Variants in ENOX2 observed in about 807,000 individuals in gnomAD.
ENOX2 encodes ecto-NOX disulfide-thiol exchanger 2.
Under a neutral mutation model 45.0 loss-of-function variants are expected in ENOX2, and 36 were observed. The ratio of observed to expected loss-of-function variants is 0.80; its 90% CI spans 0.61 to 1.06. The LOEUF is 1.06. Among genes scored for constraint, ENOX2 ranks in the 50% least tolerant of loss-of-function variants. The probability of loss-of-function intolerance (pLI) is 0.00; values close to 1 mark genes in which losing one functional copy is unlikely to be tolerated. For missense variants in ENOX2, 423 were observed against 462.5 expected (o/e 0.91, Z 0.78); for synonymous variants, 174 against 152.3 (o/e 1.14, Z -1.05).
intron 12 of ENOX2, among the ~76,000 whole-genome samples, chrX:130,633,851 G>A (rs986987718): frequency 8.9e-6 from 1 of 112,411 alleles, no homozygotes; most frequent in Non-Finnish European, 1.9e-5. Flanking sequence ...GGAAAGTCCT[G>A]ATAAGTAAAG....
chrX:130,755,689 TGG>T (rs756362748), intron 3 of ENOX2, among the ~76,000 whole-genome samples: 1 of 111,159 alleles, frequency 9.0e-6, no homozygotes, highest in Non-Finnish European at 1.9e-5. Flanking sequence ...TCATGAAAAA[TGG>T]GGTATCCATC....
intron 3 of ENOX2, among the ~76,000 whole-genome samples, chrX:130,742,929 C>T (rs1283703200): frequency 3.6e-5 from 4 of 112,198 alleles, no homozygotes; most frequent in Admixed American, 9.5e-5. Context: ...AAGAATCAAA[C>T]CACATGGATT....
rs183257599 is a variant in ENOX2, at chrX:130,812,348, A to G, written c.-182-28658T>C. Among the ~76,000 whole-genome samples the G allele has an allele frequency of 4.0e-3, 449 of 112,132 alleles. 2 individuals are homozygous for G. The highest frequency in any genetic ancestry group is 0.014 in the African/African-American group (433 of 30,890). On this transcript the variant is annotated intron_variant, in intron 2 of 14. Transcript: ENST00000394363. ...GGCAAATCACATATAAGGGAAATTCAGTAAGGCTAGCAGTGGATTTCTCAG... is the reference window on the plus strand; with the variant it reads ...GGCAAATCACATATAAGGGAAATTCGGTAAGGCTAGCAGTGGATTTCTCAG...
chrX:130,815,646 T>C (rs972594540), intron 2 of ENOX2, among the ~76,000 whole-genome samples: 7 of 111,790 alleles, frequency 6.3e-5, no homozygotes, highest in Admixed American at 4.7e-4. Context: ...CCATCGAAAC[T>C]AAGCTTCATA....
intron 3 of ENOX2, among the ~76,000 whole-genome samples, chrX:130,770,749 T>A (rs2039720770): frequency 8.9e-6 from 1 of 111,993 alleles, no homozygotes; most frequent in African/African-American, 3.3e-5. Context: ...ATTAATGATA[T>A]CATGCACTGG....
At chrX:130,638,180 C>T (rs1282971851) in intron 10 of ENOX2, among the ~76,000 whole-genome samples, 2 of 108,317 alleles carry the variant, frequency 1.8e-5, no homozygotes, top group Admixed American at 9.8e-5. Flanking sequence ...GCAATTCTCC[C>T]GCCTCAGCCT....
intron 3 of ENOX2, among the ~76,000 whole-genome samples, chrX:130,737,473 C>T (rs2038888563): frequency 8.9e-6 from 1 of 112,746 alleles, no homozygotes; most frequent in Admixed American, 9.3e-5. Flanking sequence ...CACACACACA[C>T]ACACACAACT....
At chrX:130,782,860 A>C (rs1018218237) in intron 3 of ENOX2, among the ~76,000 whole-genome samples, 4 of 111,002 alleles carry the variant, frequency 3.6e-5, no homozygotes, top group African/African-American at 6.5e-5. Context: ...AAAAAGAAAC[A>C]TTAAGATGAG....
At chrX:130,820,578 A>T (rs778668547) in intron 2 of ENOX2, among the ~76,000 whole-genome samples, 2 of 112,726 alleles carry the variant, frequency 1.8e-5, no homozygotes, top group East Asian at 5.5e-4. Flanking sequence ...CCATCAACAG[A>T]TGAATAAAGA....
chrX:130,729,103 C>T (rs776537202), intron 3 of ENOX2, among the ~76,000 whole-genome samples: 5 of 111,290 alleles, frequency 4.5e-5, no homozygotes, highest in Non-Finnish European at 9.4e-5. Context: ...AAATGACTAC[C>T]ATCTTTAATA....
chrX:130,870,600 T>C (rs143753911), intron 2 of ENOX2, among the ~76,000 whole-genome samples: 2,051 of 111,490 alleles, frequency 0.018, 23 homozygotes, highest in South Asian at 0.038. Flanking sequence ...TTGTCGACAC[T>C]GTATTCTACC....
At chrX:130,642,546 T>G (rs1375145564) in intron 10 of ENOX2, among the ~76,000 whole-genome samples, 1 of 112,639 alleles carries the variant, frequency 8.9e-6, no homozygotes, top group Non-Finnish European at 1.9e-5. Flanking sequence ...AAAGTTCTAC[T>G]GTGGGTAAAA....
intron 2 of ENOX2, among the ~76,000 whole-genome samples, chrX:130,868,982 A>G (rs1265896473): frequency 8.9e-6 from 1 of 111,949 alleles, no homozygotes; most frequent in Non-Finnish European, 1.9e-5. Context: ...ACAATAGGGT[A>G]TTGCAGAGCC....
chrX:130,622,900 G>A lies in ENOX2; in HGVS notation c.*2414C>T, dbSNP rs1289230197. ...AAGTTAGAGATTTGTAGGGCAGGCC[G>A]GCAGGCTGGAAGTTCTGGCAGGAGT... On this transcript the variant is annotated 3_prime_UTR_variant, in exon 15 of 15. Transcript: ENST00000394363. 9.0e-6 allele frequency among the ~76,000 whole-genome samples: 1 copy of A among 111,329 alleles called. No homozygotes were observed. Among genetic ancestry groups the A allele is most frequent in the Non-Finnish European group, 1.9e-5 (1 of 53,098 alleles).
intron 7 of ENOX2, 80 bp from the exon 8 acceptor site, chrX:130,667,822 TC>T: frequency 1.3e-6 from 1 of 789,030 alleles, no homozygotes; most frequent in Non-Finnish European, 1.8e-6. Context: ...AAAGAGGGCA[TC>T]ATGATTTTTG....
In ENOX2 at chrX:130,634,400, C is replaced by T. The variant is rs918355608; in HGVS notation, c.1419+584G>A. Among the ~76,000 whole-genome samples, 23 of 111,602 alleles carry T rather than the reference C, an allele frequency of 2.1e-4. No individual in the cohort carries two copies. The Admixed American group carries it at 2.2e-3, about 11-fold the overall frequency. Reference sequence around the variant, plus strand: ...TATCCAGATATTAGACTCTCTGGTCCTCATTGGTGGTTCTTATTGCTGAGA... The same window carrying T: ...TATCCAGATATTAGACTCTCTGGTCTTCATTGGTGGTTCTTATTGCTGAGA... On this transcript the variant is annotated intron_variant, in intron 12 of 14. Transcript: ENST00000394363.
intron 2 of ENOX2, among the ~76,000 whole-genome samples, chrX:130,786,211 GAATT>G (rs2076966810): frequency 1.8e-5 from 2 of 111,519 alleles, no homozygotes; most frequent in African/African-American, 6.5e-5. Flanking sequence ...TGATAATCAA[GAATT>G]AATGCCACAG....
At chrX:130,871,639 T>C (rs906668948) in intron 2 of ENOX2, among the ~76,000 whole-genome samples, 3 of 111,056 alleles carry the variant, frequency 2.7e-5, no homozygotes, top group African/African-American at 9.8e-5. Context: ...AACAATCAAA[T>C]TAACTAATAT....
chrX:130,770,284 T>C (rs2148371061), intron 3 of ENOX2, among the ~76,000 whole-genome samples: 1 of 112,047 alleles, frequency 8.9e-6, no homozygotes, highest in African/African-American at 3.2e-5. Context: ...TTTCTAATTA[T>C]AGAATTAGGA....
Sources: gnomAD v4.1 joint callset for allele counts (sites outside exome capture counted in the v4.1 genomes callset) on GRCh38, gnomAD v4.1.1 for gene constraint, MANE v1.5 for transcripts, NCBI Gene and HGNC (gene_info 2026-07-23, HGNC 2026-07-21) for gene names.